Variants in ADAMTS8 observed in about 807,000 individuals in gnomAD.
ADAMTS8 encodes A disintegrin and metalloproteinase with thrombospondin motifs 8.
In ADAMTS8, 50 loss-of-function variants were observed where a neutral mutation model predicts 64.4. The ratio of observed to expected loss-of-function variants is 0.78; its 90% CI spans 0.62 to 0.98. The LOEUF is 0.98. ADAMTS8 is among the 50% of genes least tolerant of loss of function. The pLI, the probability that ADAMTS8 is intolerant of heterozygous loss-of-function variation, is 0.00. For missense variants in ADAMTS8, 1,192 were observed against 1,208.2 expected, an observed-to-expected ratio of 0.99 and a Z score of 0.20; for synonymous variants, 556 against 533.6, an observed-to-expected ratio of 1.04 and a Z score of -0.58.
chr11:130,426,054 CGT>C (rs1565381505), intron 1 of ADAMTS8, among the ~76,000 whole-genome samples: 1 of 152,232 alleles, frequency 6.6e-6, no homozygotes, highest in Admixed American at 6.5e-5. Context: ...CCCACCGCTC[CGT>C]GCTCTCAGGA....
In ADAMTS8 at chr11:130,416,058, A is replaced by G; in HGVS notation, c.1264+105T>C. On this transcript the variant is annotated intron_variant, in intron 4 of 8. Coordinates refer to ENST00000257359, the MANE Select transcript of ADAMTS8 (RefSeq NM_007037.6). The surrounding 1 kb of genome is among the most constrained non-coding windows in gnomAD (Gnocchi z 4.8). ...AGCGTGGGAGGCTGGCCGGGGACTC[A>G]GCTCTAAGGGCCCTGTGAGGAGGCA... The G allele has an allele frequency of 2.2e-6, 3 of 1,340,958 alleles. No homozygotes were observed. Among genetic ancestry groups the G allele is most frequent in the Non-Finnish European group, 3.0e-6 (3 of 1,013,492 alleles). 83.1% of individuals were successfully genotyped at this position (1,340,958 alleles called of 1,614,324 possible).
chr11:130,408,478 G>A lies in ADAMTS8; in HGVS notation c.2085C>T (p.Ser695=), dbSNP rs200077884. 8 of 1,613,628 alleles carry A rather than the reference G, an allele frequency of 5.0e-6. No homozygotes were observed. The highest frequency in any genetic ancestry group is 4.5e-5 in the East Asian group (2 of 44,868). ...KGNSCRKVSG[S]LTPTNYGYND... is the part of the protein sequence containing the mutation. ...GGGAGACTCACTTGGTGGGGGTGAGGGACCCGGAGACCTTCCTGCAGGAGT... is the reference window on the plus strand; with the variant it reads ...GGGAGACTCACTTGGTGGGGGTGAGAGACCCGGAGACCTTCCTGCAGGAGT... The change falls in exon 8 of 9, where the codon TCC becomes TCT. Residue 695 remains serine (S), a synonymous_variant. Transcript: ENST00000257359.
intron 6 of ADAMTS8, among the ~76,000 whole-genome samples, chr11:130,409,555 C>G (rs1304593847): frequency 6.6e-6 from 1 of 152,146 alleles, no homozygotes; most frequent in Non-Finnish European, 1.5e-5. Flanking sequence ...CCTGGTATCT[C>G]CCGAACATTT....
rs772190409 is a variant in ADAMTS8 at position 130,414,686 on chromosome 11, C to G, written c.1411G>C (p.Val471Leu). Residue 471 changes from valine to leucine, a missense_variant, in exon 5 of 9, where the codon GTC becomes CTC. Around this residue, in one of 5 missense-constraint regions of ADAMTS8, gnomAD observed 741 missense variants for 710.6 expected, o/e 1.04. Transcript: ENST00000257359. The stretch of plus-strand genomic sequence containing the variant: ...GTGTGGCACCAAAGCTGGGCGCAGA[C>G]GTCCTGAGCAGAGGTGTTGGGGCAG... The part of the protein sequence containing the change: ...RHCPNTSAQD[V>L]CAQLWCHTDG... 2 of 1,613,890 alleles carry G rather than the reference C, an allele frequency of 1.2e-6. No homozygotes were observed. Among genetic ancestry groups the G allele is most frequent in the Non-Finnish European group, 1.7e-6 (2 of 1,180,036 alleles).
chr11:130,428,462 C>G lies in ADAMTS8; in HGVS notation c.-176G>C. 9.8e-7 allele frequency: 1 copy of G among 1,023,192 alleles called. No individual in the cohort carries two copies. The highest frequency in any genetic ancestry group is 1.2e-6 in the Non-Finnish European group (1 of 857,138). The allele number at this position is 1,023,192 out of a possible 1,614,324, so 63.4% of individuals were successfully genotyped here. A position where few individuals can be genotyped will look rare whatever the true frequency, so the allele number is the denominator to read the frequency against. On this transcript the variant is annotated 5_prime_UTR_variant, in exon 1 of 9. Coordinates refer to ENST00000257359, the MANE Select transcript of ADAMTS8 (RefSeq NM_007037.6). ...CGGGAGCGCTCCCCCGGCGGCCCCT[C>G]TGGCTGGCGCAGCCCGCTCCTCCCG...
intron 8 of ADAMTS8, 52 bp downstream of exon 8, chr11:130,408,412 G>A (rs1397842749): frequency 6.2e-7 from 1 of 1,600,670 alleles, no homozygotes; most frequent in Non-Finnish European, 8.5e-7. Context: ...AGAGTGCAAA[G>A]CCCATTATGC....
intron 1 of ADAMTS8, among the ~76,000 whole-genome samples, chr11:130,420,018 G>T (rs537732886): frequency 6.6e-6 from 1 of 152,346 alleles, no homozygotes; most frequent in South Asian, 2.1e-4. Context: ...TTTCACGAAT[G>T]AGGAAGGTCA....
chr11:130,409,341 A>G (rs924031760), intron 6 of ADAMTS8, among the ~76,000 whole-genome samples: 2 of 152,174 alleles, frequency 1.3e-5, no homozygotes, highest in African/African-American at 4.8e-5. Flanking sequence ...CCGGACATGA[A>G]TCCAAAGACT....
chr11:130,413,872 G>A (rs1238012345), intron 5 of ADAMTS8, among the ~76,000 whole-genome samples: 1 of 152,168 alleles, frequency 6.6e-6, no homozygotes, highest in Non-Finnish European at 1.5e-5. Flanking sequence ...GGAATTGACA[G>A]TGGCTCCATC....
intron 1 of ADAMTS8, among the ~76,000 whole-genome samples, chr11:130,422,788 C>A (rs970711277): frequency 6.6e-6 from 1 of 152,202 alleles, no homozygotes; most frequent in Non-Finnish European, 1.5e-5. Flanking sequence ...GTTCCTCTGC[C>A]ATGTGGAACA....
At position 130,416,338 on chromosome 11, in the gene ADAMTS8, G is replaced by A. The variant is rs373517437; in HGVS notation, c.1097-8C>T. 131 of 1,553,158 alleles carry A rather than the reference G, an allele frequency of 8.4e-5. No individual in the cohort carries two copies. The highest frequency in any genetic ancestry group is 1.1e-4 in the Non-Finnish European group (124 of 1,149,204). ...GCATGCTGAGGACGTGCCCTGGGGA[G>A]AGAGGCCTGGTCCACTCCGCCCTGT... On this transcript the variant is annotated splice_polypyrimidine_tract_variant and splice_region_variant and intron_variant, in intron 3 of 8. Transcript: ENST00000257359. The surrounding 1 kb of genome is among the most constrained non-coding windows in gnomAD (Gnocchi z 4.8).
chr11:130,426,685 A>G (rs979572823), intron 1 of ADAMTS8, among the ~76,000 whole-genome samples: 57 of 152,172 alleles, frequency 3.7e-4, no homozygotes, highest in African/African-American at 1.3e-3. Flanking sequence ...CTTTGCATCT[A>G]GTTAGAAATG....
rs1448414998 is a variant in ADAMTS8 at position 130,419,170 on chromosome 11, C to T, written c.843G>A (p.Glu281=). The change falls in exon 2 of 9, where the codon GAG becomes GAA. Residue 281 remains glutamate (E), a synonymous_variant. Transcript: ENST00000257359. ...GTGTAAGCCCCCCATTGTCGGACACCTCTGGGCCCCATTTTTCATCTTCTA... is the reference window on the plus strand; with the variant it reads ...GTGTAAGCCCCCCATTGTCGGACACTTCTGGGCCCCATTTTTCATCTTCTA... ...LIVEDEKWGP[E]VSDNGGLTLR... The T allele has an allele frequency of 3.1e-6, 5 of 1,614,098 alleles. No individual in the cohort carries two copies. The highest frequency in any genetic ancestry group is 4.2e-6 in the Non-Finnish European group (5 of 1,180,064).
chr11:130,416,242 C>T lies in ADAMTS8; in HGVS notation c.1185G>A (p.Leu395=). The T allele has an allele frequency of 6.3e-7, 1 of 1,589,164 alleles. No individual in the cohort carries two copies. Among genetic ancestry groups the T allele is most frequent in the East Asian group, 2.3e-5 (1 of 43,542 alleles). ...GCAGCGTCTGGTTCAGGTGGACGAA[C>T]AGCGGTGCCATCACGTGGTGCTTGC... is the stretch of plus-strand genomic sequence containing the variant. ...PMGKHHVMAP[L]FVHLNQTLPW... The change falls in exon 4 of 9, where the codon CTG becomes CTA. Residue 395 remains leucine, a synonymous_variant. Transcript: ENST00000257359. This position sits in a 1 kb window ranked among gnomAD's most constrained non-coding sequence, Gnocchi z 4.8.
chr11:130,409,989 C>T (rs1861933078), intron 6 of ADAMTS8, among the ~76,000 whole-genome samples: 1 of 152,178 alleles, frequency 6.6e-6, no homozygotes, highest in South Asian at 2.1e-4. Context: ...ACTGTGTCAG[C>T]CTTCAAGGAC....
At position 130,416,050 on chromosome 11, in the gene ADAMTS8, G is replaced by A. The variant is rs533828996; in HGVS notation, c.1264+113C>T. On this transcript the variant is annotated intron_variant, in intron 4 of 8. Coordinates refer to ENST00000257359, the MANE Select transcript of ADAMTS8 (RefSeq NM_007037.6). This position sits in a 1 kb window ranked among gnomAD's most constrained non-coding sequence, Gnocchi z 4.8. ...AATGCCCCAGCGTGGGAGGCTGGCC[G>A]GGGACTCAGCTCTAAGGGCCCTGTG... 385 of 1,280,254 alleles carry A rather than the reference G, an allele frequency of 3.0e-4. 1 individual carries two copies. The highest frequency in any genetic ancestry group is 2.9e-4 in the South Asian group (18 of 61,678). 79.3% of individuals were successfully genotyped at this position (1,280,254 alleles called of 1,614,324 possible). A position where few individuals can be genotyped will look rare whatever the true frequency, so the allele number is the denominator to read the frequency against.
chr11:130,406,048 T>C lies in ADAMTS8; in HGVS notation c.2180A>G (p.Gln727Arg). Residue 727 changes from glutamine (Q) to arginine (R), a missense_variant, in exon 9 of 9, where the codon CAG (glutamine) becomes CGG (arginine). Physicochemically the swap from Gln to Arg is conservative, Grantham distance 43 (BLOSUM62 1). This residue lies in a region of ADAMTS8 where 290 missense variants were observed against 297.8 expected (regional missense o/e 0.97). Transcript: ENST00000257359. The part of the protein sequence containing the change: ...DVKQRSHPGV[Q>R]NDGNYLALKT... ...CAGCGCCAGGTAGTTCCCATCGTTCTGCACACCCGGGTGGCTCCGCTGCTT... is the reference window on the plus strand; with the variant it reads ...CAGCGCCAGGTAGTTCCCATCGTTCCGCACACCCGGGTGGCTCCGCTGCTT... 6.2e-7 allele frequency: 1 copy of C among 1,614,136 alleles called. No individual in the cohort carries two copies. Among genetic ancestry groups the C allele is most frequent in the Non-Finnish European group, 8.5e-7 (1 of 1,180,032 alleles).
intron 2 of ADAMTS8, among the ~76,000 whole-genome samples, chr11:130,418,610 C>T (rs1051281078): frequency 6.6e-6 from 1 of 152,256 alleles, no homozygotes. Flanking sequence ...CACACAGGAT[C>T]GCTCTCTTGC....
intron 2 of ADAMTS8, among the ~76,000 whole-genome samples, chr11:130,418,007 C>CAAAAAAAAAAAAAAA (rs5795694): frequency 5.3e-5 from 5 of 93,948 alleles, no homozygotes; most frequent in Non-Finnish European, 1.0e-4. Context: ...CTACAAAAAG[C>CAAAAAAAAAAAAAAA]AAAAAAAAAA....
Sources: allele counts gnomAD v4.1 joint callset (sites outside exome capture counted in the v4.1 genomes callset), GRCh38; gene constraint gnomAD v4.1.1; regional missense constraint gnomAD v4.1.1; non-coding constraint Gnocchi (gnomAD v3.1); transcripts MANE v1.5; gene names NCBI Gene and HGNC (gene_info 2026-07-23, HGNC 2026-07-21).